Variants in ASIC2 observed in about 807,000 individuals in gnomAD.
ASIC2 encodes the protein acid-sensing ion channel 2.
In ASIC2, 25 loss-of-function variants were observed where a neutral mutation model predicts 57.3. That is an observed-to-expected ratio of 0.44 (90% CI 0.32 to 0.61). The LOEUF is 0.61. ASIC2 is among the 20% of genes least tolerant of loss of function. The pLI, the probability that ASIC2 is intolerant of heterozygous loss-of-function variation, is 0.06. For synonymous variants in ASIC2, 319 were observed against 307.5 expected (o/e 1.04, Z -0.39); for missense variants, 641 against 738.1 (o/e 0.87, Z 1.52).
intron 1 of ASIC2, among the ~76,000 whole-genome samples, chr17:33,365,878 T>C (rs1908790251): frequency 6.6e-6 from 1 of 152,208 alleles, no homozygotes; most frequent in Non-Finnish European, 1.5e-5. Context: ...TTGGGGAACA[T>C]GGACATTGGC....
At chr17:33,230,524 G>A (rs1421836062) in intron 1 of ASIC2, among the ~76,000 whole-genome samples, 1 of 152,212 alleles carries the variant, frequency 6.6e-6, no homozygotes, top group Admixed American at 6.5e-5. Context: ...GTTGTGGACT[G>A]AGGGGGCCGG....
intron 1 of ASIC2, among the ~76,000 whole-genome samples, chr17:33,218,097 T>A (rs1336190331): frequency 6.6e-6 from 1 of 152,254 alleles, no homozygotes; most frequent in African/African-American, 2.4e-5. Context: ...CGTAATGCAA[T>A]TCATGCTTTT....
chr17:33,754,727 C>A (rs926900142), intron 1 of ASIC2, among the ~76,000 whole-genome samples: 2 of 151,848 alleles, frequency 1.3e-5, no homozygotes, highest in African/African-American at 4.8e-5. Flanking sequence ...GAGGCCGAGG[C>A]GGGCAGATCA....
chr17:33,080,862 C>T (rs1262937130), intron 3 of ASIC2, among the ~76,000 whole-genome samples: 4 of 152,152 alleles, frequency 2.6e-5, no homozygotes, highest in Non-Finnish European at 2.9e-5. Context: ...TGGGATGGTG[C>T]GAGATTTCAT....
intron 1 of ASIC2, among the ~76,000 whole-genome samples, chr17:33,689,529 A>G (rs1374845561): frequency 6.6e-6 from 1 of 151,892 alleles, no homozygotes. Context: ...TTCAATCTCC[A>G]CTTCTACCCC....
At chr17:33,506,792 A>G (rs922779368) in intron 1 of ASIC2, among the ~76,000 whole-genome samples, 6 of 152,270 alleles carry the variant, frequency 3.9e-5, no homozygotes, top group Admixed American at 6.5e-5. Flanking sequence ...TCTCTGAGTC[A>G]ATGTAAATAA....
At chr17:33,407,011 A>G (rs751364523) in intron 1 of ASIC2, among the ~76,000 whole-genome samples, 6 of 152,338 alleles carry the variant, frequency 3.9e-5, no homozygotes, top group Admixed American at 6.5e-5. Flanking sequence ...AAGGTCAAGG[A>G]AAGCTGGCTT....
chr17:33,630,289 C>T (rs1163189431), intron 1 of ASIC2, among the ~76,000 whole-genome samples: 1 of 152,168 alleles, frequency 6.6e-6, no homozygotes, highest in Non-Finnish European at 1.5e-5. Flanking sequence ...AAAAGCCAGA[C>T]TATGCCGCTT....
At chr17:34,136,740 G>GT (rs1481327915) in intron 1 of ASIC2, among the ~76,000 whole-genome samples, 1 of 152,204 alleles carries the variant, frequency 6.6e-6, no homozygotes, top group African/African-American at 2.4e-5. Flanking sequence ...CTCAAGACCT[G>GT]TGTCATGAGC....
chr17:33,827,349 T>TTTTTTTTTTTTTTTTTTTTTTTTTTTA (rs1912957675), intron 1 of ASIC2, among the ~76,000 whole-genome samples: 1 of 138,094 alleles, frequency 7.2e-6, no homozygotes, highest in Non-Finnish European at 1.6e-5. Flanking sequence ...TTTTTTTTTT[T>TTTTTTTTTTTTTTTTTTTTTTTTTTTA]GAGACAGAGT....
chr17:33,141,966 C>T (rs1904328849), intron 1 of ASIC2, among the ~76,000 whole-genome samples: 1 of 152,170 alleles, frequency 6.6e-6, no homozygotes, highest in Non-Finnish European at 1.5e-5. Context: ...CAATTTGTTA[C>T]AAAATGAAAT....
intron 1 of ASIC2, among the ~76,000 whole-genome samples, chr17:33,613,522 G>A (rs1017489887): frequency 1.3e-5 from 2 of 151,278 alleles, no homozygotes; most frequent in Admixed American, 6.6e-5. Flanking sequence ...CCGCCACCAC[G>A]CCCAGCTAAT....
chr17:33,276,255 AAG>A (rs1904698257), intron 1 of ASIC2, among the ~76,000 whole-genome samples: 1 of 152,228 alleles, frequency 6.6e-6, no homozygotes, highest in South Asian at 2.1e-4. Flanking sequence ...CAATAAATAA[AAG>A]AGTAAGCAAA....
intron 1 of ASIC2, among the ~76,000 whole-genome samples, chr17:33,568,376 G>C (rs1184495682): frequency 6.6e-6 from 1 of 152,156 alleles, no homozygotes; most frequent in Non-Finnish European, 1.5e-5. Context: ...CATTGGACTT[G>C]TGCAACCAAC....
intron 2 of ASIC2, among the ~76,000 whole-genome samples, chr17:33,103,131 G>C (rs1055978394): frequency 6.6e-6 from 1 of 152,084 alleles, no homozygotes; most frequent in Non-Finnish European, 1.5e-5. Context: ...CTTTTTAATA[G>C]CATCCTATGC....
At chr17:33,241,856 A>G (rs1908518354) in intron 1 of ASIC2, among the ~76,000 whole-genome samples, 1 of 152,200 alleles carries the variant, frequency 6.6e-6, no homozygotes, top group Non-Finnish European at 1.5e-5. Flanking sequence ...TGGCAATTCT[A>G]AGGCAGCGTA....
At chr17:34,092,585 G>C (rs138641277) in intron 1 of ASIC2, among the ~76,000 whole-genome samples, 3 of 152,172 alleles carry the variant, frequency 2.0e-5, no homozygotes, top group African/African-American at 7.2e-5. Flanking sequence ...AGAGACTCAC[G>C]TGTGATGCCT....
At chr17:33,074,105 G>A (rs2092080072) in intron 3 of ASIC2, among the ~76,000 whole-genome samples, 1 of 152,226 alleles carries the variant, frequency 6.6e-6, no homozygotes, top group South Asian at 2.1e-4. Flanking sequence ...GTATCCCCAG[G>A]AGCCCTAACT....
At chr17:33,529,365 C>T (rs149668665) in intron 1 of ASIC2, among the ~76,000 whole-genome samples, 2 of 152,112 alleles carry the variant, frequency 1.3e-5, no homozygotes, top group South Asian at 2.1e-4. Flanking sequence ...GGGCTGAGAA[C>T]CACCAAGGAT....
Sources: gnomAD v4.1 joint callset for allele counts (sites outside exome capture counted in the v4.1 genomes callset) on GRCh38, gnomAD v4.1.1 for gene constraint, MANE v1.5 for transcripts, NCBI Gene and HGNC (gene_info 2026-07-23, HGNC 2026-07-21) for gene names.